The following AP1M1 variants were observed in gnomAD, a reference collection of about 807,000 sequenced individuals.
AP1M1 encodes the protein adaptor related protein complex 1 subunit mu 1.
Under a neutral mutation model 57.1 loss-of-function variants are expected in AP1M1, and 18 were observed. The ratio of observed to expected loss-of-function variants is 0.32; its 90% confidence interval spans 0.22 to 0.47. The LOEUF (loss-of-function observed/expected upper bound fraction) is 0.47. Among genes scored for constraint, AP1M1 ranks in the 20% least tolerant of loss-of-function variants. AP1M1 has a pLI of 1.00. For synonymous variants in AP1M1, 241 were observed against 237.9 expected (o/e 1.01, Z -0.12); for missense variants, 362 against 593.5 (o/e 0.61, Z 4.05).
At chr19:16,226,068 G>C (rs984014464) in intron 5 of AP1M1, among the ~76,000 whole-genome samples, 1 of 152,148 alleles carries the variant, frequency 6.6e-6, no homozygotes, top group Non-Finnish European at 1.5e-5. Context: ...GGAGGGACTG[G>C]TACCTGATAG....
At chr19:16,198,135 A>C in intron 1 of AP1M1, 67 bp downstream of exon 1, 1 of 1,571,164 alleles carries the variant, frequency 6.4e-7, no homozygotes, top group Non-Finnish European at 8.6e-7. Flanking sequence ...GCGGGGACCC[A>C]CCCTGTTGCT....
intron 5 of AP1M1, among the ~76,000 whole-genome samples, chr19:16,210,830 G>T (rs2145121163): frequency 6.6e-6 from 1 of 152,284 alleles, no homozygotes; most frequent in East Asian, 1.9e-4. Context: ...AAAGTGCTGG[G>T]ATTACAGGTG....
chr19:16,207,165 A>T lies in AP1M1; in HGVS notation c.267+757A>T, dbSNP rs1370931909. 6.6e-6 allele frequency among the ~76,000 whole-genome samples: 1 copy of T among 152,172 alleles called. No individual in the cohort carries two copies. Among genetic ancestry groups the T allele is most frequent in the Non-Finnish European group, 1.5e-5 (1 of 68,018 alleles). On this transcript the variant is annotated intron_variant, in intron 3 of 11. Coordinates refer to ENST00000291439, the MANE Select transcript of AP1M1 (RefSeq NM_032493.4). The surrounding 1 kb of genome is among the most constrained non-coding windows in gnomAD (Gnocchi z 4.2). The stretch of plus-strand genomic sequence containing the variant: ...CTGGCCGAGGTGGGCTGTGGGGCTC[A>T]CGAAAGTGGGGAACAGGACCCAGGA...
At chr19:16,215,463 C>CAAAAAAAAA (rs59357311) in intron 5 of AP1M1, among the ~76,000 whole-genome samples, 8 of 31,002 alleles carry the variant, frequency 2.6e-4, no homozygotes, top group African/African-American at 6.8e-4. Flanking sequence ...GATTCCATCT[C>CAAAAAAAAA]AAAAAAAAAA....
At chr19:16,229,090 G>A (rs558350812) in intron 9 of AP1M1, among the ~76,000 whole-genome samples, 162 bp downstream of exon 9, 1 of 152,236 alleles carries the variant, frequency 6.6e-6, no homozygotes, top group African/African-American at 2.4e-5. Flanking sequence ...GAGGACTGGA[G>A]TGGGAGGAAG....
chr19:16,197,973 C>CGTCGCTGCCGCCGCCACCGCCCTCG lies in AP1M1; in HGVS notation c.-52_-28dup. The CGTCGCTGCCGCCGCCACCGCCCTCG allele has an allele frequency of 3.6e-6, 4 of 1,099,130 alleles. No individual in the cohort carries two copies. The highest frequency in any genetic ancestry group is 4.5e-6 in the Non-Finnish European group (4 of 881,514). 68.1% of individuals were successfully genotyped at this position (1,099,130 alleles called of 1,614,324 possible). On this transcript the variant is annotated 5_prime_UTR_variant, in exon 1 of 12. Coordinates refer to ENST00000291439, the MANE Select transcript of AP1M1 (RefSeq NM_032493.4). ...TTGCTCAACGCCCAGCAGTCCCCAC[C>CGTCGCTGCCGCCGCCACCGCCCTCG]GTCGCTGCCGCCGCCACCGCCCTCG...
chr19:16,234,410 T>C lies in AP1M1; in HGVS notation c.1250-3T>C. On this transcript the variant is annotated splice_polypyrimidine_tract_variant and splice_region_variant and intron_variant, in intron 11 of 11. Transcript: ENST00000291439. ...AGCATGACGCCTCCCTCCTGTCTCC[T>C]AGATTACCAGCTCCGGACCCAGTGA... The C allele has an allele frequency of 6.2e-7, 1 of 1,613,872 alleles. No homozygotes were observed. The highest frequency in any genetic ancestry group is 8.5e-7 in the Non-Finnish European group (1 of 1,179,958).
In AP1M1 at chr19:16,203,077, G is replaced by C; in HGVS notation, c.43-382G>C. The C allele has an allele frequency of 4.3e-6, 1 of 231,408 alleles. No individual in the cohort carries two copies. The highest frequency in any genetic ancestry group is 1.4e-4 in the East Asian group (1 of 7,138). The allele number at this position is 231,408 out of a possible 1,614,324, so 14.3% of individuals were successfully genotyped here. A position where few individuals can be genotyped will look rare whatever the true frequency, so the allele number is the denominator to read the frequency against. ...ATACGAACCTTCAGCGGGAGTGGGC[G>C]CCCTGACACAGGCGGGAGAGCAAGG... On this transcript the variant is annotated intron_variant, in intron 1 of 11. Coordinates refer to ENST00000291439, the MANE Select transcript of AP1M1 (RefSeq NM_032493.4). This position sits in a 1 kb window ranked among gnomAD's most constrained non-coding sequence, Gnocchi z 4.6.
intron 5 of AP1M1, among the ~76,000 whole-genome samples, chr19:16,221,984 C>A (rs2091546363): frequency 6.6e-6 from 1 of 152,092 alleles, no homozygotes; most frequent in Admixed American, 6.5e-5. Context: ...CCGCACCCAG[C>A]CCTCAGATAT....
chr19:16,199,088 G>A (rs1057146405), intron 1 of AP1M1, among the ~76,000 whole-genome samples: 4 of 152,178 alleles, frequency 2.6e-5, no homozygotes, highest in Non-Finnish European at 4.4e-5. Context: ...GATTACAGGT[G>A]TGAGTCATGT....
intron 1 of AP1M1, among the ~76,000 whole-genome samples, chr19:16,198,510 TTC>T (rs2091434005): frequency 6.6e-6 from 1 of 152,184 alleles, no homozygotes; most frequent in Non-Finnish European, 1.5e-5. Flanking sequence ...GCGTTACAGC[TTC>T]TGTTTATCGT....
chr19:16,224,339 C>T (rs886629585), intron 5 of AP1M1, among the ~76,000 whole-genome samples: 10 of 152,200 alleles, frequency 6.6e-5, no homozygotes, highest in Non-Finnish European at 5.9e-5. Flanking sequence ...CGGGGGTCCC[C>T]GCCACAGTGC....
chr19:16,232,926 C>G (rs2091605469), intron 9 of AP1M1, among the ~76,000 whole-genome samples: 1 of 152,196 alleles, frequency 6.6e-6, no homozygotes, highest in African/African-American at 2.4e-5. Flanking sequence ...CCACAGCCAC[C>G]CCCTGCTCAC....
intron 5 of AP1M1, among the ~76,000 whole-genome samples, chr19:16,209,932 G>C (rs1424691378): frequency 6.6e-6 from 1 of 152,146 alleles, no homozygotes; most frequent in East Asian, 1.9e-4. Flanking sequence ...ACCACACCCA[G>C]GACACAGAAC....
chr19:16,242,348 T>C lies in AP1M1; in HGVS notation c.*7913T>C, dbSNP rs2091648492. ...AAAATAAAGGAAAAATCAGGATAAA[T>C]GCAGGGATGTTCTAAACTTTTTAAA... On this transcript the variant is annotated 3_prime_UTR_variant, in exon 12 of 12. Transcript: ENST00000291439. 1 of 151,952 alleles carries C rather than the reference T, an allele frequency of 6.6e-6. No homozygotes were observed. The highest frequency in any genetic ancestry group is 1.5e-5 in the Non-Finnish European group (1 of 68,002). 9.4% of individuals were successfully genotyped at this position (151,952 alleles called of 1,614,324 possible).
chr19:16,206,585 T>G lies in AP1M1; in HGVS notation c.267+177T>G. On this transcript the variant is annotated intron_variant, in intron 3 of 11. Coordinates refer to ENST00000291439, the MANE Select transcript of AP1M1 (RefSeq NM_032493.4). The surrounding 1 kb of genome is among the most constrained non-coding windows in gnomAD (Gnocchi z 4.3). Reference sequence around the variant, plus strand: ...AACTCCCCACGCCTGTGGAATTCTATAGCTCACGTTGCTCCCCTACCGTGG... The same window carrying G: ...AACTCCCCACGCCTGTGGAATTCTAGAGCTCACGTTGCTCCCCTACCGTGG... 2 of 665,510 alleles carry G rather than the reference T, an allele frequency of 3.0e-6. No homozygotes were observed. Among genetic ancestry groups the G allele is most frequent in the Non-Finnish European group, 2.7e-6 (1 of 375,576 alleles). 41.2% of individuals were successfully genotyped at this position (665,510 alleles called of 1,614,324 possible).
rs915408558 is a variant in AP1M1, at chr19:16,206,807, C to T, written c.267+399C>T. ...GGGCTCTCAAGGCACAGATGCCTGA[C>T]GCCCACCTTGGAGAGAGCTGACACG... On this transcript the variant is annotated intron_variant, in intron 3 of 11. Coordinates refer to ENST00000291439, the MANE Select transcript of AP1M1 (RefSeq NM_032493.4). The surrounding 1 kb of genome is among the most constrained non-coding windows in gnomAD (Gnocchi z 4.3). Among the ~76,000 whole-genome samples, 1 of 152,192 alleles carries T rather than the reference C, an allele frequency of 6.6e-6. No individual in the cohort carries two copies. Among genetic ancestry groups the T allele is most frequent in the East Asian group, 1.9e-4 (1 of 5,188 alleles).
chr19:16,201,297 A>G (rs1262716104), intron 1 of AP1M1, among the ~76,000 whole-genome samples: 1 of 151,588 alleles, frequency 6.6e-6, no homozygotes, highest in Non-Finnish European at 1.5e-5. Flanking sequence ...ATAGAAATAA[A>G]TGTTTAATGC....
At chr19:16,209,766 T>G (rs1410819470) in intron 5 of AP1M1, among the ~76,000 whole-genome samples, 1 of 152,250 alleles carries the variant, frequency 6.6e-6, no homozygotes, top group South Asian at 2.1e-4. Context: ...GTGGTTCTCC[T>G]GCAGCTTGTT....
Sources: allele counts gnomAD v4.1 joint callset (sites outside exome capture counted in the v4.1 genomes callset), GRCh38; gene constraint gnomAD v4.1.1; non-coding constraint Gnocchi (gnomAD v3.1); transcripts MANE v1.5; gene names NCBI Gene and HGNC (gene_info 2026-07-23, HGNC 2026-07-21).